The following DPH6 variants were observed in gnomAD, a reference collection of about 807,000 sequenced individuals.
DPH6 encodes diphthamine biosynthesis 6.
DPH6 carries 33 observed loss-of-function variants against 38.2 expected under a neutral mutation model. That is an observed-to-expected ratio of 0.86 (90% CI 0.65 to 1.15). The LOEUF is 1.15. DPH6 is among the 50% of genes most tolerant of loss of function. DPH6 has a pLI of 0.00. For missense variants in DPH6, 325 were observed against 320.0 expected (o/e 1.02, Z -0.12); for synonymous variants, 108 against 103.0 (o/e 1.05, Z -0.30).
At chr15:35,194,620 T>C in the DPH6 span, among the ~76,000 whole-genome samples, 6 of 152,262 alleles carry the variant, frequency 3.9e-5, no homozygotes, top group East Asian at 1.9e-4. Flanking sequence ...TGTAGTCGAA[T>C]ATTTCAAATC....
chr15:35,170,665 A>G, the DPH6 span, among the ~76,000 whole-genome samples: 1 of 152,188 alleles, frequency 6.6e-6, no homozygotes, highest in African/African-American at 2.4e-5. Context: ...AATATAATAA[A>G]GAAGGTTGTT....
At chr15:35,404,259 G>A (rs1234688323) in intron 6 of DPH6, among the ~76,000 whole-genome samples, 1 of 152,112 alleles carries the variant, frequency 6.6e-6, no homozygotes, top group Non-Finnish European at 1.5e-5. Flanking sequence ...GAGATTGCTG[G>A]ATCATATAGT....
exon 4 of DPH6, chr15:35,218,830 C>T (rs1315567578): frequency 1.3e-5 from 2 of 151,492 alleles, no homozygotes; most frequent in Non-Finnish European, 2.9e-5. Flanking sequence ...TCAACTGAAC[C>T]TGATATGATC....
the DPH6 span, among the ~76,000 whole-genome samples, chr15:35,164,225 G>A: frequency 2.6e-5 from 4 of 151,756 alleles, no homozygotes; most frequent in East Asian, 7.7e-4. Context: ...GGGCAAAACT[G>A]CAAAATTCCT....
At chr15:35,201,152 G>A in the DPH6 span, among the ~76,000 whole-genome samples, 1 of 150,740 alleles carries the variant, frequency 6.6e-6, no homozygotes, top group Non-Finnish European at 1.5e-5. Flanking sequence ...TTAAAATTCT[G>A]CAAAAATTAT....
the DPH6 span, among the ~76,000 whole-genome samples, chr15:35,152,101 T>C: frequency 6.6e-5 from 10 of 152,218 alleles, 1 homozygote; most frequent in African/African-American, 2.4e-4. Context: ...TTTTTAATCT[T>C]TATTTAGAAG....
At chr15:35,451,196 A>G (rs2053928534) in intron 4 of DPH6, among the ~76,000 whole-genome samples, 1 of 152,224 alleles carries the variant, frequency 6.6e-6, no homozygotes. Context: ...TATTAAATTA[A>G]CAATAGCTAC....
At chr15:35,321,892 C>A (rs1595477894) in intron 3 of DPH6, among the ~76,000 whole-genome samples, 1 of 152,098 alleles carries the variant, frequency 6.6e-6, no homozygotes, top group East Asian at 1.9e-4. Flanking sequence ...GAACCTCGCC[C>A]ACACAGGAGA....
chr15:35,316,383 G>T (rs184561389), intron 3 of DPH6, among the ~76,000 whole-genome samples: 117 of 152,152 alleles, frequency 7.7e-4, no homozygotes, highest in Non-Finnish European at 1.5e-3. Flanking sequence ...TAGATGATAG[G>T]ATGAATAATT....
At chr15:35,497,804 T>A (rs542535633) in intron 3 of DPH6, among the ~76,000 whole-genome samples, 1 of 152,156 alleles carries the variant, frequency 6.6e-6, no homozygotes, top group Admixed American at 6.5e-5. Flanking sequence ...TCCAAAACCA[T>A]CTCCTAAAAG....
At chr15:35,239,084 G>A (rs947083037) in intron 3 of DPH6, among the ~76,000 whole-genome samples, 2 of 143,584 alleles carry the variant, frequency 1.4e-5, no homozygotes, top group Non-Finnish European at 3.1e-5. Flanking sequence ...GACATGGATC[G>A]GGGGACCTCC....
intron 3 of DPH6, among the ~76,000 whole-genome samples, chr15:35,338,243 C>A (rs980221574): frequency 6.6e-6 from 1 of 152,052 alleles, no homozygotes; most frequent in South Asian, 2.1e-4. Context: ...AGTGAACAGG[C>A]AACCTACAAA....
intron 3 of DPH6, among the ~76,000 whole-genome samples, chr15:35,473,943 TGTGTGTGTGTGTGTGC>T (rs145866871): frequency 0.25 from 26,373 of 106,400 alleles, 3,037 homozygotes; most frequent in East Asian, 0.55. Context: ...TGTGTGTGTG[TGTGTGTGTGTGTGTGC>T]GCGCGCGCGC....
intron 3 of DPH6, among the ~76,000 whole-genome samples, chr15:35,460,204 C>G (rs761681686): frequency 6.6e-6 from 1 of 151,990 alleles, no homozygotes; most frequent in African/African-American, 2.4e-5. Flanking sequence ...ACTGCCAGTT[C>G]TTCAAAGAAT....
At chr15:35,435,671 G>A (rs1044135097) in intron 5 of DPH6, among the ~76,000 whole-genome samples, 1 of 152,092 alleles carries the variant, frequency 6.6e-6, no homozygotes, top group Admixed American at 6.5e-5. Context: ...CCTTCCATGT[G>A]TCTGTATGCC....
At chr15:35,338,186 C>A (rs2052389216) in intron 3 of DPH6, among the ~76,000 whole-genome samples, 1 of 152,104 alleles carries the variant, frequency 6.6e-6, no homozygotes, top group African/African-American at 2.4e-5. Flanking sequence ...CAAATGGGAT[C>A]TAATTAAACT....
chr15:35,431,237 C>G (rs2053629123), intron 5 of DPH6, among the ~76,000 whole-genome samples: 1 of 152,248 alleles, frequency 6.6e-6, no homozygotes, highest in East Asian at 1.9e-4. Flanking sequence ...ATAATTACCC[C>G]TATACCTATC....
intron 3 of DPH6, among the ~76,000 whole-genome samples, chr15:35,315,981 A>G (rs1339596218): frequency 6.6e-6 from 1 of 152,192 alleles, no homozygotes; most frequent in African/African-American, 2.4e-5. Context: ...TGTAGGAACT[A>G]AAAAAGTTGA....
intron 3 of DPH6, among the ~76,000 whole-genome samples, chr15:35,343,394 G>A (rs989912004): frequency 2.6e-5 from 4 of 152,012 alleles, no homozygotes; most frequent in Non-Finnish European, 5.9e-5. Context: ...TCACCAATGA[G>A]TTATCTCTAG....
Sources: allele counts gnomAD v4.1 joint callset (sites outside exome capture counted in the v4.1 genomes callset), GRCh38; gene constraint gnomAD v4.1.1; transcripts MANE v1.5; gene names NCBI Gene and HGNC (gene_info 2026-07-23, HGNC 2026-07-21).